Variants in CACNB2 observed in about 807,000 individuals in gnomAD.
The protein encoded by CACNB2 is calcium voltage-gated channel auxiliary subunit beta 2.
CACNB2 carries 42 observed loss-of-function variants against 73.3 expected under a neutral mutation model. The observed-to-expected ratio is 0.57, with a 90% CI of 0.45 to 0.74. CACNB2 has a LOEUF of 0.74. Among genes scored for constraint, CACNB2 ranks in the 30% least tolerant of loss-of-function variants. The pLI, the probability that CACNB2 is intolerant of heterozygous loss-of-function variation, is 0.00. For missense variants in CACNB2, 940 were observed against 853.0 expected (o/e 1.10, Z -1.27); for synonymous variants, 348 against 310.3 (o/e 1.12, Z -1.28).
intron 3 of CACNB2, among the ~76,000 whole-genome samples, chr10:18,422,756 A>G (rs2132733709): frequency 6.6e-6 from 1 of 152,242 alleles, no homozygotes; most frequent in South Asian, 2.1e-4. Flanking sequence ...TATGAGTGCA[A>G]TGGCGGATCT....
chr10:18,250,931 C>T (rs58689896), intron 2 of CACNB2, among the ~76,000 whole-genome samples: 4,006 of 152,312 alleles, frequency 0.026, 162 homozygotes, highest in African/African-American at 0.09. Flanking sequence ...GAGGAAAAGC[C>T]GTTTGCTTTA....
intron 3 of CACNB2, among the ~76,000 whole-genome samples, chr10:18,412,108 A>G (rs551745310): frequency 5.9e-5 from 9 of 152,230 alleles, no homozygotes; most frequent in African/African-American, 1.7e-4. Context: ...TTATCCTCCA[A>G]CAGGCTGGCT....
chr10:18,287,677 C>A (rs1412628368), intron 2 of CACNB2, among the ~76,000 whole-genome samples: 2 of 152,092 alleles, frequency 1.3e-5, no homozygotes, highest in African/African-American at 4.8e-5. Context: ...ATAACAAAAC[C>A]CCATTCCTAC....
At chr10:18,186,265 C>G (rs539419915) in intron 2 of CACNB2, among the ~76,000 whole-genome samples, 5 of 151,938 alleles carry the variant, frequency 3.3e-5, no homozygotes, top group African/African-American at 1.2e-4. Context: ...ACTAAAAATA[C>G]AAAATTAGCT....
In CACNB2 at chr10:18,435,272, G is replaced by A. The variant is rs78435828; in HGVS notation, c.333+33229G>A. On this transcript the variant is annotated intron_variant, in intron 3 of 13. Transcript: ENST00000324631. ...ATGGGAAAGTATAAGGCAGGCGGAG[G>A]CATAGTGCCGAGCTGACAATAGGCA... Among the ~76,000 whole-genome samples the A allele has an allele frequency of 7.9e-5, 12 of 152,290 alleles. No individual in the cohort carries two copies. In the East Asian group the frequency reaches 2.3e-3, roughly 29 times the overall value.
At chr10:18,251,072 T>C (rs986301610) in intron 2 of CACNB2, among the ~76,000 whole-genome samples, 5 of 152,234 alleles carry the variant, frequency 3.3e-5, no homozygotes, top group Non-Finnish European at 1.5e-5. Context: ...AATATTTATC[T>C]GAAGCTCATT....
intron 2 of CACNB2, among the ~76,000 whole-genome samples, chr10:18,385,048 G>A (rs2043167748): frequency 6.6e-6 from 1 of 152,094 alleles, no homozygotes; most frequent in African/African-American, 2.4e-5. Flanking sequence ...GGGAGGCCGA[G>A]GTGGGTGGAT....
chr10:18,203,805 A>G (rs1416211452), intron 2 of CACNB2, among the ~76,000 whole-genome samples: 1 of 152,218 alleles, frequency 6.6e-6, no homozygotes, highest in African/African-American at 2.4e-5. Flanking sequence ...GATACTAAAT[A>G]AAGAACCGTA....
chr10:18,365,577 T>G (rs534793662), intron 2 of CACNB2, among the ~76,000 whole-genome samples: 1 of 152,314 alleles, frequency 6.6e-6, no homozygotes, highest in South Asian at 2.1e-4. Flanking sequence ...CATGATGGCT[T>G]TCTGGGCAGA....
intron 2 of CACNB2, among the ~76,000 whole-genome samples, chr10:18,313,297 G>A (rs1323350608): frequency 6.7e-6 from 1 of 149,842 alleles, no homozygotes; most frequent in Non-Finnish European, 1.5e-5. Context: ...GGCCATTTGG[G>A]GCTGGATATC....
At chr10:18,536,847 G>A (rs1324777993) in intron 12 of CACNB2, among the ~76,000 whole-genome samples, 1 of 152,108 alleles carries the variant, frequency 6.6e-6, no homozygotes, top group Non-Finnish European at 1.5e-5. Flanking sequence ...CTGATCATAG[G>A]GATCAAGTTG....
chr10:18,256,417 T>C (rs1332117558), intron 2 of CACNB2, among the ~76,000 whole-genome samples: 2 of 152,236 alleles, frequency 1.3e-5, no homozygotes, highest in Non-Finnish European at 2.9e-5. Flanking sequence ...ACAACAGATA[T>C]TTTCACATTT....
chr10:18,321,338 G>A (rs1369288858), intron 2 of CACNB2, among the ~76,000 whole-genome samples: 1 of 152,134 alleles, frequency 6.6e-6, no homozygotes, highest in Admixed American at 6.5e-5. Context: ...TTTTGACTAT[G>A]CATGTATTTG....
intron 2 of CACNB2, among the ~76,000 whole-genome samples, chr10:18,247,815 AC>A (rs1177270871): frequency 6.6e-6 from 1 of 152,088 alleles, no homozygotes; most frequent in Non-Finnish European, 1.5e-5. Flanking sequence ...TGTGAGGACC[AC>A]CTTTTCTGGG....
chr10:18,526,931 G>A (rs1433777961), intron 9 of CACNB2, among the ~76,000 whole-genome samples: 3 of 152,030 alleles, frequency 2.0e-5, no homozygotes, highest in African/African-American at 7.2e-5. Flanking sequence ...CATACCCTTG[G>A]ATAAAAAATC....
chr10:18,211,259 T>A (rs1469414997), intron 2 of CACNB2, among the ~76,000 whole-genome samples: 1 of 152,168 alleles, frequency 6.6e-6, no homozygotes, highest in Non-Finnish European at 1.5e-5. Context: ...AAGTGCAGGG[T>A]CACCGTGTTT....
At chr10:18,338,718 C>T (rs2041107678) in intron 2 of CACNB2, among the ~76,000 whole-genome samples, 1 of 142,758 alleles carries the variant, frequency 7.0e-6, no homozygotes, top group Non-Finnish European at 1.5e-5. Context: ...TCCTGCCTTC[C>T]TGCCTTCTTT....
chr10:18,195,045 A>G (rs2034565582), intron 2 of CACNB2, among the ~76,000 whole-genome samples: 1 of 152,360 alleles, frequency 6.6e-6, no homozygotes, highest in South Asian at 2.1e-4. Context: ...GTTTAAAAAT[A>G]TATGACCAAG....
chr10:18,350,175 A>G (rs974453919), intron 2 of CACNB2, among the ~76,000 whole-genome samples: 2 of 152,084 alleles, frequency 1.3e-5, no homozygotes, highest in Non-Finnish European at 2.9e-5. Context: ...AACCCAGGAG[A>G]TGGAGGTTGC....
Sources: gnomAD v4.1 joint callset for allele counts (sites outside exome capture counted in the v4.1 genomes callset) on GRCh38, gnomAD v4.1.1 for gene constraint, MANE v1.5 for transcripts, NCBI Gene and HGNC (gene_info 2026-07-23, HGNC 2026-07-21) for gene names.